SGCZ: variants seen among roughly 807,000 people sequenced by gnomAD.
SGCZ encodes the protein zeta-sarcoglycan.
In SGCZ, 40 loss-of-function variants were observed where a neutral mutation model predicts 41.3. That is an observed-to-expected ratio of 0.97 (90% CI 0.75 to 1.26). The LOEUF is 1.26. Among genes scored for constraint, SGCZ ranks in the 50% most tolerant of loss-of-function variants. The pLI is 0.00. For synonymous variants in SGCZ, 206 were observed against 137.5 expected, an observed-to-expected ratio of 1.50 and a Z score of -3.49; for missense variants, 552 against 369.8, an observed-to-expected ratio of 1.49 and a Z score of -4.04.
intron 2 of SGCZ, among the ~76,000 whole-genome samples, chr8:14,367,448 G>A (rs561548583): frequency 2.0e-5 from 3 of 152,034 alleles, no homozygotes; most frequent in South Asian, 2.1e-4. Flanking sequence ...CCCACTCTCT[G>A]TAGTACCAAT....
At chr8:14,288,746 G>C (rs1034083968) in intron 3 of SGCZ, among the ~76,000 whole-genome samples, 5 of 151,988 alleles carry the variant, frequency 3.3e-5, no homozygotes, top group African/African-American at 9.7e-5. Context: ...ATGACCATTT[G>C]TGTACAAGTT....
chr8:14,194,115 G>A (rs554514109), intron 4 of SGCZ, among the ~76,000 whole-genome samples: 9 of 151,710 alleles, frequency 5.9e-5, no homozygotes, highest in Middle Eastern at 3.4e-3. Context: ...AATATAATAC[G>A]TAAGAGATTT....
chr8:14,845,633 A>T (rs1193087911), intron 1 of SGCZ, among the ~76,000 whole-genome samples: 1 of 152,186 alleles, frequency 6.6e-6, no homozygotes, highest in African/African-American at 2.4e-5. Flanking sequence ...AGAGACATGG[A>T]AGATGGAAAA....
intron 1 of SGCZ, among the ~76,000 whole-genome samples, chr8:14,802,074 C>T (rs563459163): frequency 5.0e-4 from 76 of 152,238 alleles, no homozygotes; most frequent in African/African-American, 1.8e-3. Context: ...GAGAAAAGAG[C>T]ATGTTGGAAA....
At chr8:14,231,279 G>A (rs1806562771) in intron 4 of SGCZ, among the ~76,000 whole-genome samples, 1 of 151,698 alleles carries the variant, frequency 6.6e-6, no homozygotes, top group Non-Finnish European at 1.5e-5. Context: ...CAGAGACAGA[G>A]AGAGAGAGTG....
chr8:14,619,611 A>G (rs561245652), intron 1 of SGCZ, among the ~76,000 whole-genome samples: 1 of 152,330 alleles, frequency 6.6e-6, no homozygotes, highest in African/African-American at 2.4e-5. Context: ...TACAAAATCA[A>G]TGAGCAAAAA....
intron 5 of SGCZ, among the ~76,000 whole-genome samples, chr8:14,123,799 A>C (rs1273313376): frequency 6.6e-6 from 1 of 152,208 alleles, no homozygotes; most frequent in Non-Finnish European, 1.5e-5. Flanking sequence ...GTCACAGTTA[A>C]CAGGCAAAGG....
chr8:14,094,111 G>C (rs1159702106), intron 7 of SGCZ, among the ~76,000 whole-genome samples: 6 of 152,006 alleles, frequency 3.9e-5, no homozygotes, highest in Admixed American at 3.3e-4. Flanking sequence ...ACCATTCCCT[G>C]ACGCCCCAAG....
intron 4 of SGCZ, among the ~76,000 whole-genome samples, chr8:14,190,182 C>T (rs1429353935): frequency 6.6e-6 from 1 of 150,570 alleles, no homozygotes; most frequent in South Asian, 2.1e-4. Flanking sequence ...CCGGCTAATT[C>T]TTTGTATTTT....
chr8:14,813,596 C>T (rs1215477199), intron 1 of SGCZ, among the ~76,000 whole-genome samples: 2 of 152,164 alleles, frequency 1.3e-5, no homozygotes, highest in Non-Finnish European at 2.9e-5. Flanking sequence ...CTCCAGTACA[C>T]AGAAGTAGCT....
At chr8:14,511,055 A>G (rs1356846618) in intron 2 of SGCZ, among the ~76,000 whole-genome samples, 1 of 152,012 alleles carries the variant, frequency 6.6e-6, no homozygotes, top group Non-Finnish European at 1.5e-5. Flanking sequence ...GCAAACACAG[A>G]TGGTTACCCA....
chr8:14,177,803 C>T (rs1317281908), intron 4 of SGCZ, among the ~76,000 whole-genome samples: 1 of 150,842 alleles, frequency 6.6e-6, no homozygotes, highest in Non-Finnish European at 1.5e-5. Flanking sequence ...GGATTACAGG[C>T]GTGAGCCACT....
At chr8:14,370,964 G>A (rs776149016) in intron 2 of SGCZ, among the ~76,000 whole-genome samples, 3 of 151,880 alleles carry the variant, frequency 2.0e-5, no homozygotes, top group Non-Finnish European at 4.4e-5. Flanking sequence ...CTGCAGTCAC[G>A]AATATATCAT....
At chr8:14,142,014 G>T (rs2116927125) in intron 5 of SGCZ, among the ~76,000 whole-genome samples, 1 of 152,320 alleles carries the variant, frequency 6.6e-6, no homozygotes, top group South Asian at 2.1e-4. Context: ...CATGTCCTTT[G>T]TAGGCACATG....
chr8:15,150,902 T>C (rs1429144841), intron 1 of SGCZ, among the ~76,000 whole-genome samples: 1 of 152,176 alleles, frequency 6.6e-6, no homozygotes, highest in East Asian at 1.9e-4. Context: ...ATTTTTGCCC[T>C]CTCATTTTCA....
chr8:14,678,491 A>G (rs1808343487), intron 1 of SGCZ, among the ~76,000 whole-genome samples: 1 of 152,214 alleles, frequency 6.6e-6, no homozygotes, highest in African/African-American at 2.4e-5. Context: ...ATGATATGCC[A>G]CTAAGAACTT....
chr8:14,267,423 G>A (rs1357493631), intron 3 of SGCZ, among the ~76,000 whole-genome samples: 2 of 152,018 alleles, frequency 1.3e-5, no homozygotes, highest in Non-Finnish European at 2.9e-5. Context: ...GTAAGATGTG[G>A]TTTGCTATAA....
chr8:14,663,013 A>G (rs1807804043), intron 1 of SGCZ, among the ~76,000 whole-genome samples: 1 of 152,138 alleles, frequency 6.6e-6, no homozygotes, highest in Non-Finnish European at 1.5e-5. Flanking sequence ...ACAAATAAAC[A>G]AGGAAACAGA....
chr8:14,856,329 C>G (rs1293400231), intron 1 of SGCZ, among the ~76,000 whole-genome samples: 1 of 152,146 alleles, frequency 6.6e-6, no homozygotes, highest in African/African-American at 2.4e-5. Context: ...AGGACAGGCC[C>G]TTGCTCTTTT....
Sources: gnomAD v4.1 joint callset for allele counts (sites outside exome capture counted in the v4.1 genomes callset) on GRCh38, gnomAD v4.1.1 for gene constraint, MANE v1.5 for transcripts, NCBI Gene and HGNC (gene_info 2026-07-23, HGNC 2026-07-21) for gene names.